The following SEPTIN7 variants were observed in gnomAD, a reference collection of about 807,000 sequenced individuals.
The protein encoded by SEPTIN7 is septin-7.
In SEPTIN7, 10 loss-of-function variants were observed where a neutral mutation model predicts 63.3. The ratio of observed to expected loss-of-function variants is 0.16; its 90% CI spans 0.10 to 0.27. The LOEUF is 0.27. Among genes scored for constraint, SEPTIN7 ranks in the 10% least tolerant of loss-of-function variants. The probability of loss-of-function intolerance (pLI) is 1.00; values close to 1 mark genes in which losing one functional copy is unlikely to be tolerated. For missense variants in SEPTIN7, 310 were observed against 521.0 expected (o/e 0.59, Z 3.94); for synonymous variants, 131 against 165.3 (o/e 0.79, Z 1.59).
chr7:35,818,678 T>TA (rs1252037387), intron 1 of SEPTIN7, among the ~76,000 whole-genome samples: 1 of 152,054 alleles, frequency 6.6e-6, no homozygotes, highest in Non-Finnish European at 1.5e-5. Flanking sequence ...GATTTTCTGT[T>TA]TCTTGAGTCA....
intron 2 of SEPTIN7, chr7:35,832,592 T>C (rs1783886403): frequency 2.4e-6 from 1 of 409,138 alleles, no homozygotes; most frequent in Non-Finnish European, 4.5e-6. Flanking sequence ...TTTTTATAAT[T>C]AACCATTATA....
At chr7:35,831,891 A>G (rs1183909578) in intron 2 of SEPTIN7, 2 of 295,472 alleles carry the variant, frequency 6.8e-6, no homozygotes, top group African/African-American at 4.6e-5. Flanking sequence ...GAGAATTTAA[A>G]TGTGGCAGAA....
intron 1 of SEPTIN7, among the ~76,000 whole-genome samples, chr7:35,829,928 CTGT>C (rs1444228024): frequency 6.6e-6 from 1 of 151,718 alleles, no homozygotes; most frequent in Non-Finnish European, 1.5e-5. Context: ...TGGCTTACGC[CTGT>C]AATCCCAGCA....
At chr7:35,901,055 C>G (rs1788291499) in intron 12 of SEPTIN7, 1 of 151,992 alleles carries the variant, frequency 6.6e-6, no homozygotes, top group Admixed American at 6.6e-5. Flanking sequence ...TAAAGAAACC[C>G]TTTTAGCCTT....
intron 1 of SEPTIN7, among the ~76,000 whole-genome samples, chr7:35,823,236 T>A (rs771216044): frequency 2.6e-5 from 4 of 152,298 alleles, no homozygotes; most frequent in Admixed American, 6.5e-5. Context: ...AGTTTCGCTC[T>A]TGTTGCCCAG....
intron 10 of SEPTIN7, among the ~76,000 whole-genome samples, chr7:35,889,280 G>A (rs1787488344): frequency 6.6e-6 from 1 of 152,200 alleles, no homozygotes; most frequent in Non-Finnish European, 1.5e-5. Flanking sequence ...TGGAGTGGTA[G>A]AACTTCAGAA....
At chr7:35,820,047 G>A (rs1349781558) in intron 1 of SEPTIN7, among the ~76,000 whole-genome samples, 1 of 151,232 alleles carries the variant, frequency 6.6e-6, no homozygotes, top group African/African-American at 2.4e-5. Flanking sequence ...CACCATCATA[G>A]CTCACTTGGT....
chr7:35,879,838 T>C lies in SEPTIN7; in HGVS notation c.528T>C (p.Asp176=), dbSNP rs1390211877. ...APSGHGLKPL[D]IEFMKRLHEK... ...TGTATTTCAGACTTAAACCATTGGA[T>C]ATTGAGTTTATGAAGCGTTTGCATG... Residue 176 remains aspartate, a synonymous_variant, in exon 7 of 14, where the codon GAT becomes GAC. Coordinates refer to ENST00000350320, the MANE Select transcript of SEPTIN7 (RefSeq NM_001788.6). The C allele has an allele frequency of 9.5e-6, 15 of 1,577,232 alleles. No homozygotes were observed. Among genetic ancestry groups the C allele is most frequent in the Non-Finnish European group, 1.3e-5 (15 of 1,156,162 alleles).
chr7:35,903,376 G>A (rs770654420), intron 13 of SEPTIN7, among the ~76,000 whole-genome samples, 161 bp downstream of exon 13: 19 of 145,576 alleles, frequency 1.3e-4, no homozygotes, highest in Non-Finnish European at 2.5e-4. Flanking sequence ...TTATATGGAT[G>A]GATACAGTCT....
intron 1 of SEPTIN7, among the ~76,000 whole-genome samples, chr7:35,806,770 T>C (rs1333498586): frequency 6.6e-6 from 1 of 152,222 alleles, no homozygotes; most frequent in Non-Finnish European, 1.5e-5. Flanking sequence ...GTTGACTCAT[T>C]TAAAGTGTTT....
intron 9 of SEPTIN7, 106 bp from the exon 10 acceptor site, chr7:35,885,722 T>C: frequency 2.5e-6 from 2 of 812,108 alleles, no homozygotes; most frequent in Non-Finnish European, 2.1e-6. Flanking sequence ...TGATCTGTTT[T>C]GCATTTCCTC....
intron 1 of SEPTIN7, among the ~76,000 whole-genome samples, chr7:35,811,525 T>A (rs977968250): frequency 1.3e-5 from 2 of 152,172 alleles, no homozygotes; most frequent in Non-Finnish European, 1.5e-5. Context: ...TGGAAACATT[T>A]CTAATGTTTA....
intron 3 of SEPTIN7, among the ~76,000 whole-genome samples, chr7:35,858,651 G>A (rs1785335750): frequency 6.6e-6 from 1 of 151,280 alleles, no homozygotes; most frequent in South Asian, 2.1e-4. Context: ...ACCGCACCTG[G>A]CCGATTTCTA....
chr7:35,912,875 A>G, the SEPTIN7 span, among the ~76,000 whole-genome samples: 1 of 152,250 alleles, frequency 6.6e-6, no homozygotes, highest in Non-Finnish European at 1.5e-5. Context: ...TACACGCCAA[A>G]CACTGAGAAC....
Position 35,898,241 on chromosome 7 carries a change from G to A in SEPTIN7, c.999-7G>A, listed in dbSNP as rs753337184. 3.3e-5 allele frequency: 51 copies of A among 1,524,980 alleles called. No individual in the cohort carries two copies. Among genetic ancestry groups the A allele is most frequent in the Non-Finnish European group, 4.1e-5 (46 of 1,132,450 alleles). The allele number at this position is 1,524,980 out of a possible 1,614,324, so 94.5% of individuals were successfully genotyped here. On this transcript the variant is annotated splice_region_variant and splice_polypyrimidine_tract_variant and intron_variant, in intron 11 of 13. Coordinates refer to ENST00000350320, the MANE Select transcript of SEPTIN7 (RefSeq NM_001788.6). The stretch of plus-strand genomic sequence containing the variant: ...CATTTAATGATTACCCTTAATATTC[G>A]TGACAGGAGCCCTCTGGCACAAATG...
At chr7:35,885,964 A>G in intron 10 of SEPTIN7, 85 bp downstream of exon 10, 1 of 847,852 alleles carries the variant, frequency 1.2e-6, no homozygotes, top group South Asian at 1.6e-5. Context: ...CCTTCTATAA[A>G]TGTAGCTAAT....
chr7:35,912,613 T>A, the SEPTIN7 span, among the ~76,000 whole-genome samples: 1 of 152,226 alleles, frequency 6.6e-6, no homozygotes, highest in African/African-American at 2.4e-5. Context: ...TCTCCCCGAC[T>A]GAGCTGGTCT....
chr7:35,833,220 GTT>G (rs1183837337), intron 3 of SEPTIN7, among the ~76,000 whole-genome samples: 2 of 151,964 alleles, frequency 1.3e-5, no homozygotes, highest in African/African-American at 2.4e-5. Flanking sequence ...CTCCAGGATA[GTT>G]TTGTTTTCTG....
chr7:35,880,208 C>CTTTTTTTTTTTTTTT (rs1169840776), intron 7 of SEPTIN7, among the ~76,000 whole-genome samples: 1 of 96,428 alleles, frequency 1.0e-5, no homozygotes, highest in Admixed American at 9.5e-5. Context: ...CTTTTCTTTT[C>CTTTTTTTTTTTTTTT]TTTTTTTTTC....
Sources: gnomAD v4.1 joint callset for allele counts (sites outside exome capture counted in the v4.1 genomes callset) on GRCh38, gnomAD v4.1.1 for gene constraint, MANE v1.5 for transcripts, NCBI Gene and HGNC (gene_info 2026-07-23, HGNC 2026-07-21) for gene names.